Variants in PATJ observed in about 807,000 individuals in gnomAD.
The protein encoded by PATJ is inaD-like protein.
Under a neutral mutation model 224.9 loss-of-function variants are expected in PATJ, and 190 were observed. The observed-to-expected ratio is 0.84, with a 90% CI of 0.75 to 0.95. PATJ has a LOEUF of 0.95. Among genes scored for constraint, PATJ ranks in the 40% least tolerant of loss-of-function variants. PATJ has a pLI of 0.00. For synonymous variants in PATJ, 769 were observed against 820.3 expected, an observed-to-expected ratio of 0.94 and a Z score of 1.07; for missense variants, 2,121 against 2,270.3, an observed-to-expected ratio of 0.93 and a Z score of 1.34.
intron 30 of PATJ, among the ~76,000 whole-genome samples, chr1:62,039,779 G>A (rs1651113007): frequency 6.6e-6 from 1 of 152,192 alleles, no homozygotes; most frequent in Non-Finnish European, 1.5e-5. Context: ...TTAAAAGGCA[G>A]AGGAGGAAAT....
rs1364634928 is a variant in PATJ at position 61,823,042 on chromosome 1, C to T, written c.1781C>T (p.Thr594Ile). Residue 594 changes from threonine to isoleucine, a missense_variant, in exon 15 of 44, where the codon ACA becomes ATA. By Grantham distance (89) the Thr-to-Ile change is moderately conservative. Transcript: ENST00000642238. ...SSIVSGGPVDTLGLLQPEDEL... is the reference protein window; with the variant it reads ...SSIVSGGPVDILGLLQPEDEL... The stretch of plus-strand genomic sequence containing the variant: ...ATTGTTTCTGGTGGTCCTGTTGATA[C>T]ATTGGGTCTCCTACAGCCAGAAGAT... 6.2e-7 allele frequency: 1 copy of T among 1,614,080 alleles called. No homozygotes were observed.
intron 7 of PATJ, among the ~76,000 whole-genome samples, chr1:61,785,891 C>A (rs1228464693): frequency 6.6e-6 from 1 of 152,090 alleles, no homozygotes; most frequent in Non-Finnish European, 1.5e-5. Context: ...CCAACTTGGG[C>A]AACAGAGTGG....
At chr1:61,845,385 A>G (rs1399029593) in intron 17 of PATJ, among the ~76,000 whole-genome samples, 1 of 152,202 alleles carries the variant, frequency 6.6e-6, no homozygotes, top group Non-Finnish European at 1.5e-5. Context: ...TTATGGCTCA[A>G]CTGAAAGGTG....
At chr1:61,916,669 T>A (rs1434300673) in intron 26 of PATJ, among the ~76,000 whole-genome samples, 1 of 152,238 alleles carries the variant, frequency 6.6e-6, no homozygotes, top group African/African-American at 2.4e-5. Context: ...AGTCGATTTA[T>A]CAAGACAGGG....
intron 27 of PATJ, among the ~76,000 whole-genome samples, chr1:61,959,680 A>C (rs1408456395): frequency 1.3e-5 from 2 of 151,826 alleles, no homozygotes; most frequent in Admixed American, 6.6e-5. Flanking sequence ...GGACTCAAGC[A>C]ATCTTCCCAC....
At chr1:61,955,816 G>C (rs771521922) in intron 27 of PATJ, among the ~76,000 whole-genome samples, 1 of 151,978 alleles carries the variant, frequency 6.6e-6, no homozygotes, top group Non-Finnish European at 1.5e-5. Context: ...TTAATTTTTC[G>C]TGTCTTCATG....
At chr1:61,986,757 C>T (rs1340152438) in intron 27 of PATJ, among the ~76,000 whole-genome samples, 1 of 152,112 alleles carries the variant, frequency 6.6e-6, no homozygotes, top group Non-Finnish European at 1.5e-5. Context: ...TTTTAAAGAG[C>T]CTATCTTATT....
At chr1:61,945,215 C>A (rs1678484799) in intron 27 of PATJ, among the ~76,000 whole-genome samples, 1 of 152,150 alleles carries the variant, frequency 6.6e-6, no homozygotes, top group South Asian at 2.1e-4. Flanking sequence ...GGATCAAATT[C>A]ACACATAACA....
intron 17 of PATJ, among the ~76,000 whole-genome samples, chr1:61,848,142 G>A (rs1296175186): frequency 1.3e-5 from 2 of 152,150 alleles, no homozygotes; most frequent in Admixed American, 6.5e-5. Context: ...GTTGAAAGAA[G>A]GGATCATAAC....
chr1:61,836,664 G>A (rs928526526), intron 17 of PATJ, among the ~76,000 whole-genome samples: 4 of 152,160 alleles, frequency 2.6e-5, no homozygotes, highest in African/African-American at 9.7e-5. Context: ...ATTTGGTTTT[G>A]GGCAAGTTAA....
chr1:61,900,665 C>T (rs1671020888), intron 23 of PATJ, among the ~76,000 whole-genome samples: 3 of 152,054 alleles, frequency 2.0e-5, no homozygotes, highest in African/African-American at 7.2e-5. Context: ...TCTCGGCTCA[C>T]TGCAAGCTCT....
intron 23 of PATJ, 35 bp from the exon 24 acceptor site, chr1:61,901,247 T>A (rs756748468): frequency 5.0e-6 from 7 of 1,389,506 alleles, no homozygotes; most frequent in Non-Finnish European, 6.7e-6. Flanking sequence ...ATTAAACTTG[T>A]TGATGAGTGA....
chr1:61,848,814 A>G (rs1662370133), intron 17 of PATJ, among the ~76,000 whole-genome samples: 1 of 152,180 alleles, frequency 6.6e-6, no homozygotes, highest in South Asian at 2.1e-4. Flanking sequence ...TTTAGATTTT[A>G]ACTTAATACT....
At chr1:61,931,567 C>G (rs1676037417) in intron 27 of PATJ, among the ~76,000 whole-genome samples, 1 of 152,126 alleles carries the variant, frequency 6.6e-6, no homozygotes, top group Non-Finnish European at 1.5e-5. Flanking sequence ...AGTTCAAGAC[C>G]AGCCTGGGCA....
chr1:62,114,078 C>G lies in PATJ; in HGVS notation c.4487C>G (p.Ser1496Cys). ...GTTAATGGGGTTGACCTGAGGAACT[C>G]CAGCCACGAAGAAGCCATCACAGCC... is the stretch of plus-strand genomic sequence containing the variant. Reference protein sequence around the residue: ...LEVNGVDLRNSSHEEAITALR... With the variant: ...LEVNGVDLRNCSHEEAITALR... The change falls in exon 35 of 44, where the codon TCC (serine) becomes TGC (cysteine). Residue 1496 changes from serine (S) to cysteine (C), a missense_variant. Transcript: ENST00000642238. 6.2e-7 allele frequency: 1 copy of G among 1,614,092 alleles called. No homozygotes were observed. The highest frequency in any genetic ancestry group is 8.5e-7 in the Non-Finnish European group (1 of 1,179,984).
At chr1:62,106,082 ACACACAC>A (rs1662919304) in intron 33 of PATJ, among the ~76,000 whole-genome samples, 1 of 50,746 alleles carries the variant, frequency 2.0e-5, no homozygotes, top group African/African-American at 7.5e-5. Flanking sequence ...ATATATATAC[ACACACAC>A]ACACACACAC....
chr1:61,775,194 A>C lies in PATJ; in HGVS notation c.721-12A>C, dbSNP rs772319092. The C allele has an allele frequency of 3.1e-6, 5 of 1,603,600 alleles. No homozygotes were observed. Among genetic ancestry groups the C allele is most frequent in the Middle Eastern group, 3.3e-4 (2 of 6,024 alleles). ...ACTGATACTGCGACTCTTATTTGCC[A>C]TTAATTTGTAGGTTTGTTGGGGCCA... On this transcript the variant is annotated splice_polypyrimidine_tract_variant and intron_variant, in intron 6 of 43. Transcript: ENST00000642238.
chr1:62,146,163 C>T (rs565846840), intron 41 of PATJ, among the ~76,000 whole-genome samples: 38 of 151,924 alleles, frequency 2.5e-4, no homozygotes, highest in African/African-American at 6.8e-4. Flanking sequence ...GAAGGCACAG[C>T]GGTTAAAGTG....
Position 61,827,448 on chromosome 1 carries a change from A to G in PATJ, c.1845A>G (p.Lys615=). ...LEVNGMQLYG[K]SRREAVSFLK... is the part of the protein sequence containing the mutation. ...TCAATGGCATGCAGCTTTATGGAAA[A>G]TCTCGCCGAGAAGCAGTCTCCTTTC... Residue 615 remains lysine, a synonymous_variant, in exon 16 of 44, where the codon AAA becomes AAG. Transcript: ENST00000642238. 6.2e-7 allele frequency: 1 copy of G among 1,613,608 alleles called. No homozygotes were observed. Among genetic ancestry groups the G allele is most frequent in the Admixed American group, 1.7e-5 (1 of 59,948 alleles).
Sources: gnomAD v4.1 joint callset for allele counts (sites outside exome capture counted in the v4.1 genomes callset) on GRCh38, gnomAD v4.1.1 for gene constraint, MANE v1.5 for transcripts, NCBI Gene and HGNC (gene_info 2026-07-23, HGNC 2026-07-21) for gene names.